RRAGC: variants seen among roughly 807,000 people sequenced by gnomAD.
RRAGC encodes Ras related GTP binding C.
RRAGC carries 8 observed loss-of-function variants against 37.1 expected under a neutral mutation model. The observed-to-expected ratio is 0.22, with a 90% CI of 0.13 to 0.39. RRAGC has a LOEUF of 0.39. Among genes scored for constraint, RRAGC ranks in the 10% least tolerant of loss-of-function variants. RRAGC has a pLI of 1.00. For synonymous variants in RRAGC, 190 were observed against 181.1 expected (o/e 1.05, Z -0.39); for missense variants, 342 against 497.6 (o/e 0.69, Z 2.98).
rs184309459 is a variant in RRAGC, at chr1:38,848,672, T to C, written c.900-2585A>G. On this transcript the variant is annotated intron_variant, in intron 5 of 6. Coordinates refer to ENST00000373001, the MANE Select transcript of RRAGC (RefSeq NM_022157.4). ...AGTTTTTAAGACTATTAGGAAAATA[T>C]GCTAATCTTAATCAAAATAATGCCA... Among the ~76,000 whole-genome samples, 115 of 152,294 alleles carry C rather than the reference T, an allele frequency of 7.6e-4. 1 individual carries two copies. Among genetic ancestry groups the C allele is most frequent in the African/African-American group, 2.3e-3 (94 of 41,562 alleles).
chr1:38,858,320 C>T (rs1158736262), intron 1 of RRAGC, among the ~76,000 whole-genome samples: 1 of 152,176 alleles, frequency 6.6e-6, no homozygotes, highest in Non-Finnish European at 1.5e-5. Context: ...CAGGTGCCTG[C>T]TGATACTAGT....
rs1482000256 is a variant in RRAGC at position 38,851,719 on chromosome 1, G to T, written c.795C>A (p.Val265=). ...GIEKAFLFDV[V]SKIYIATDSS... The stretch of plus-strand genomic sequence containing the variant: ...TGTCTGTTGCAATGTAGATTTTGCT[G>T]ACAACATCAAAGAGAAAAGCTTTTT... The change falls in exon 5 of 7, where the codon GTC becomes GTA. Residue 265 remains valine, a synonymous_variant. Transcript: ENST00000373001. The T allele has an allele frequency of 7.5e-6, 12 of 1,608,096 alleles. No individual in the cohort carries two copies. In the Admixed American group the frequency reaches 1.5e-4, roughly 21 times the overall value.
intron 4 of RRAGC, among the ~76,000 whole-genome samples, chr1:38,852,042 A>G (rs1183144839): frequency 1.3e-5 from 2 of 152,248 alleles, no homozygotes; most frequent in Non-Finnish European, 2.9e-5. Flanking sequence ...AATTTAACAA[A>G]AATCTCTAAA....
At chr1:38,846,168 C>T (rs1642025195) in intron 5 of RRAGC, 81 bp from the exon 6 acceptor site, 2 of 1,091,954 alleles carry the variant, frequency 1.8e-6, no homozygotes, top group Non-Finnish European at 2.7e-6. Flanking sequence ...TGACATCCAC[C>T]CAGTTTCCCA....
At position 38,844,280 on chromosome 1, in the gene RRAGC, A is replaced by C. The variant is rs530502705; in HGVS notation, c.1048+1659T>G. Among the ~76,000 whole-genome samples, 358 of 152,202 alleles carry C rather than the reference A, an allele frequency of 2.4e-3. 1 individual carries two copies. The highest frequency in any genetic ancestry group is 3.9e-3 in the Non-Finnish European group (264 of 68,004). ...TAACATTCACAATATTTAAGAGAGA[A>C]CGTCTTACTAATAGCTCCAAACATG... On this transcript the variant is annotated intron_variant, in intron 6 of 6. Coordinates refer to ENST00000373001, the MANE Select transcript of RRAGC (RefSeq NM_022157.4).
At chr1:38,840,793 A>G (rs1479598860) in intron 6 of RRAGC, among the ~76,000 whole-genome samples, 1 of 152,246 alleles carries the variant, frequency 6.6e-6, no homozygotes, top group Non-Finnish European at 1.5e-5. Flanking sequence ...TCAGGTCTGA[A>G]TAAGTAGGTT....
chr1:38,850,307 GA>G (rs1240924299), intron 5 of RRAGC, among the ~76,000 whole-genome samples: 1 of 151,918 alleles, frequency 6.6e-6, no homozygotes, highest in Non-Finnish European at 1.5e-5. Context: ...TCAGGAAATC[GA>G]TCGAGACCAT....
rs1641920682 is a variant in RRAGC, at chr1:38,839,260, A to G, written c.*293T>C. 7.0e-6 allele frequency: 2 copies of G among 286,114 alleles called. No homozygotes were observed. Among genetic ancestry groups the G allele is most frequent in the Non-Finnish European group, 1.3e-5 (2 of 155,916 alleles). The allele number at this position is 286,114 out of a possible 1,614,324, so 17.7% of individuals were successfully genotyped here. The stretch of plus-strand genomic sequence containing the variant: ...GGTAACTGGTGTTATCTCCAGGTCC[A>G]AAATATCCCAACTACTTAAAGGGGA... On this transcript the variant is annotated 3_prime_UTR_variant, in exon 7 of 7. Coordinates refer to ENST00000373001, the MANE Select transcript of RRAGC (RefSeq NM_022157.4).
Position 38,838,590 on chromosome 1 carries a change from A to C in RRAGC, c.*963T>G, listed in dbSNP as rs1470859186. 2 of 152,256 alleles carry C rather than the reference A, an allele frequency of 1.3e-5. No homozygotes were observed. Among genetic ancestry groups the C allele is most frequent in the Non-Finnish European group, 2.9e-5 (2 of 68,038 alleles). The allele number at this position is 152,256 out of a possible 1,614,324, so 9.4% of individuals were successfully genotyped here. On this transcript the variant is annotated 3_prime_UTR_variant, in exon 7 of 7. Transcript: ENST00000373001. ...TCAGAATACTAGAGACAAAGTATGT[A>C]AAACAATGCCTGTTGCAGCACCACG...
At chr1:38,854,562 T>TA (rs1296459766) in intron 3 of RRAGC, among the ~76,000 whole-genome samples, 1 of 152,184 alleles carries the variant, frequency 6.6e-6, no homozygotes. Flanking sequence ...AAAATCCAGG[T>TA]AAAAAACTAT....
Position 38,856,964 on chromosome 1 carries a change from C to G in RRAGC, c.356G>C (p.Gly119Ala). 6.2e-7 allele frequency: 1 copy of G among 1,614,042 alleles called. No individual in the cohort carries two copies. The highest frequency in any genetic ancestry group is 8.5e-7 in the Non-Finnish European group (1 of 1,179,990). Reference sequence around the variant, plus strand: ...GGTTGGGTCAAAAAAGTCCATTTGCCCAGGAAAATCCCATATCTGGAAATT... The same window carrying G: ...GGTTGGGTCAAAAAAGTCCATTTGCGCAGGAAAATCCCATATCTGGAAATT... ...FVNFQIWDFP[G>A]QMDFFDPTFD... The change falls in exon 2 of 7, where the codon GGG becomes GCG. Residue 119 changes from glycine to alanine, a missense_variant. Gly to Ala is a moderately conservative substitution (Grantham distance 60). Around this residue, in one of 3 missense-constraint regions of RRAGC, gnomAD observed 134 missense variants for 277.2 expected, o/e 0.48. Transcript: ENST00000373001.
At position 38,839,463 on chromosome 1, in the gene RRAGC, C is replaced by T; in HGVS notation, c.*90G>A. ...TAGTGGAACAGGCACCAGATTCCCA[C>T]AAGCAGCAGCTCCCATGTCCTGTAG... On this transcript the variant is annotated 3_prime_UTR_variant, in exon 7 of 7. Coordinates refer to ENST00000373001, the MANE Select transcript of RRAGC (RefSeq NM_022157.4). 7.0e-7 allele frequency: 1 copy of T among 1,433,212 alleles called. No homozygotes were observed. The highest frequency in any genetic ancestry group is 9.5e-7 in the Non-Finnish European group (1 of 1,054,364). The allele number at this position is 1,433,212 out of a possible 1,614,324, so 88.8% of individuals were successfully genotyped here. A position where few individuals can be genotyped will look rare whatever the true frequency, so the allele number is the denominator to read the frequency against.
At chr1:38,844,448 G>GAAA (rs770037090) in intron 6 of RRAGC, among the ~76,000 whole-genome samples, 3 of 98,142 alleles carry the variant, frequency 3.1e-5, no homozygotes, top group Non-Finnish European at 6.2e-5. Flanking sequence ...CAGGACTGAG[G>GAAA]AAAAAAAAAA....
In RRAGC at chr1:38,839,282, G is replaced by C. The variant is rs764045300; in HGVS notation, c.*271C>G. On this transcript the variant is annotated 3_prime_UTR_variant, in exon 7 of 7. Coordinates refer to ENST00000373001, the MANE Select transcript of RRAGC (RefSeq NM_022157.4). ...TCCAAAATATCCCAACTACTTAAAG[G>C]GGACCCAAAAGAGGAGAAACACACA... 1.2e-5 allele frequency: 4 copies of C among 336,644 alleles called. No homozygotes were observed. Among genetic ancestry groups the C allele is most frequent in the African/African-American group, 8.4e-5 (4 of 47,676 alleles). 20.9% of individuals were successfully genotyped at this position (336,644 alleles called of 1,614,324 possible).
rs760521838 is a variant in RRAGC, at chr1:38,859,512, C to T, written c.135G>A (p.Gly45=). 2 of 1,547,690 alleles carry T rather than the reference C, an allele frequency of 1.3e-6. No homozygotes were observed. Among genetic ancestry groups the T allele is most frequent in the Non-Finnish European group, 1.7e-6 (2 of 1,146,590 alleles). ...EEAAAAGGGV[G]AGAGGGCGPG... ...GACCACAGCCACCGCCTGCCCCTGC[C>T]CCAACCCCTCCGCCCGCCGCCGCCG... is the stretch of plus-strand genomic sequence containing the variant. The change falls in exon 1 of 7, where the codon GGG becomes GGA. Residue 45 remains glycine, a synonymous_variant. Coordinates refer to ENST00000373001, the MANE Select transcript of RRAGC (RefSeq NM_022157.4).
intron 3 of RRAGC, among the ~76,000 whole-genome samples, chr1:38,853,428 G>A (rs1206357031): frequency 6.6e-6 from 1 of 152,104 alleles, no homozygotes; most frequent in Non-Finnish European, 1.5e-5. Context: ...TAACATCAGA[G>A]ACACAGAACT....
rs1456821287 is a variant in RRAGC at position 38,839,332 on chromosome 1, T to A, written c.*221A>T. 1 of 218,006 alleles carries A rather than the reference T, an allele frequency of 4.6e-6. No individual in the cohort carries two copies. The highest frequency in any genetic ancestry group is 8.8e-6 in the Non-Finnish European group (1 of 113,094). 13.5% of individuals were successfully genotyped at this position (218,006 alleles called of 1,614,324 possible). On this transcript the variant is annotated 3_prime_UTR_variant, in exon 7 of 7. Coordinates refer to ENST00000373001, the MANE Select transcript of RRAGC (RefSeq NM_022157.4). ...ACTTGAGTTCTGTGGTCTCCAGAATTTTTTTTTTTTTTTTTTGCCATTTTC... is the reference window on the plus strand; with the variant it reads ...ACTTGAGTTCTGTGGTCTCCAGAATATTTTTTTTTTTTTTTTGCCATTTTC...
chr1:38,852,250 G>A, intron 4 of RRAGC, 124 bp downstream of exon 4: 2 of 674,052 alleles, frequency 3.0e-6, no homozygotes, highest in South Asian at 3.4e-5. Flanking sequence ...TGTTAAGTGG[G>A]TCACTAGTCT....
intron 3 of RRAGC, among the ~76,000 whole-genome samples, chr1:38,854,321 G>A (rs796837126): frequency 9.2e-5 from 14 of 152,156 alleles, no homozygotes; most frequent in African/African-American, 3.1e-4. Flanking sequence ...TGCCTGCCTC[G>A]GCCTCCCAAA....
Sources: allele counts gnomAD v4.1 joint callset (sites outside exome capture counted in the v4.1 genomes callset), GRCh38; gene constraint gnomAD v4.1.1; regional missense constraint gnomAD v4.1.1; transcripts MANE v1.5; gene names NCBI Gene and HGNC (gene_info 2026-07-23, HGNC 2026-07-21).